Variants in GSE1 observed in about 807,000 individuals in gnomAD.
GSE1 encodes the protein Gse1 coiled-coil protein, also known as genetic suppressor element 1.
Under a neutral mutation model 112.6 loss-of-function variants are expected in GSE1, and 32 were observed. That is an observed-to-expected ratio of 0.28 (90% CI 0.21 to 0.38). The LOEUF (loss-of-function observed/expected upper bound fraction) is 0.38. GSE1 is among the 10% of genes least tolerant of loss of function. GSE1 has a pLI of 1.00. For missense variants in GSE1, 2,348 were observed against 1,699.2 expected, an observed-to-expected ratio of 1.38 and a Z score of -6.71; for synonymous variants, 1,115 against 735.6, an observed-to-expected ratio of 1.52 and a Z score of -8.35.
intron 1 of GSE1, among the ~76,000 whole-genome samples, chr16:85,352,947 G>A (rs2046880132): frequency 6.6e-6 from 1 of 152,224 alleles, no homozygotes; most frequent in Non-Finnish European, 1.5e-5. Flanking sequence ...GTGGTGCCAG[G>A]GAACACTGAT....
At chr16:85,227,122 C>CATCT (rs1307771740) in intron 1 of GSE1, among the ~76,000 whole-genome samples, 1 of 152,130 alleles carries the variant, frequency 6.6e-6, no homozygotes, top group East Asian at 1.9e-4. Flanking sequence ...TCCATCCATC[C>CATCT]ATCCATCCGC....
At chr16:85,337,123 G>A (rs2046507245) in intron 1 of GSE1, among the ~76,000 whole-genome samples, 1 of 152,130 alleles carries the variant, frequency 6.6e-6, no homozygotes, top group Admixed American at 6.5e-5. Context: ...AGCTCCTGCT[G>A]TTGCTGTCTC....
chr16:85,305,852 A>G (rs1000681791), intron 1 of GSE1, among the ~76,000 whole-genome samples: 2 of 152,096 alleles, frequency 1.3e-5, no homozygotes, highest in Admixed American at 1.3e-4. Context: ...AACTTTGGGA[A>G]GCTAAGGCAA....
chr16:85,507,683 C>A (rs1259937802), intron 2 of GSE1, among the ~76,000 whole-genome samples: 1 of 152,098 alleles, frequency 6.6e-6, no homozygotes, highest in Non-Finnish European at 1.5e-5. Flanking sequence ...ATGGGGACAC[C>A]AGTCCTATTG....
chr16:85,189,950 A>C (rs989018075), intron 1 of GSE1, among the ~76,000 whole-genome samples: 4 of 152,178 alleles, frequency 2.6e-5, no homozygotes, highest in Non-Finnish European at 4.4e-5. Flanking sequence ...TATATTTTAG[A>C]GATTTACCTC....
chr16:85,260,927 C>G (rs962483066), intron 1 of GSE1, among the ~76,000 whole-genome samples: 12 of 152,234 alleles, frequency 7.9e-5, no homozygotes, highest in Admixed American at 6.5e-4. Context: ...GTTGACCTAC[C>G]CTGGCCTAGC....
At position 85,586,332 on chromosome 16, in the gene GSE1, C is replaced by T. The variant is rs373695293; in HGVS notation, c.37+29969C>T. The stretch of plus-strand genomic sequence containing the variant: ...GTTTAGCCCATGACATAGGTGTTGC[C>T]TCGGACGGCGGAGCCCTGGCCTGGA... On this transcript the variant is annotated intron_variant, in intron 1 of 2. Transcript: ENST00000635906. Among the ~76,000 whole-genome samples, 5 of 152,348 alleles carry T rather than the reference C, an allele frequency of 3.3e-5. No homozygotes were observed. In the South Asian group the frequency reaches 1.0e-3, roughly 32 times the overall value.
In GSE1 at chr16:85,674,021, A is replaced by G. The variant is rs1567781641; in HGVS notation, c.*1482A>G. The G allele has an allele frequency of 1.3e-5, 2 of 151,834 alleles. No homozygotes were observed. Among genetic ancestry groups the G allele is most frequent in the African/African-American group, 4.8e-5 (2 of 41,286 alleles). The allele number at this position is 151,834 out of a possible 1,614,324, so 9.4% of individuals were successfully genotyped here. A position where few individuals can be genotyped will look rare whatever the true frequency, so the allele number is the denominator to read the frequency against. On this transcript the variant is annotated 3_prime_UTR_variant, in exon 16 of 16. Coordinates refer to ENST00000253458, the MANE Select transcript of GSE1 (RefSeq NM_014615.5). ...TCACACCAAGGCAAAGCAACGGGCG[A>G]GTCTTCCTCCTTGTCCTAGTTACTG...
At chr16:85,541,564 C>T (rs933486149) in intron 2 of GSE1, among the ~76,000 whole-genome samples, 4 of 152,256 alleles carry the variant, frequency 2.6e-5, no homozygotes, top group African/African-American at 7.2e-5. Context: ...CCCTGCCAGC[C>T]ACTCCGTGGA....
intron 2 of GSE1, among the ~76,000 whole-genome samples, chr16:85,500,574 AT>A (rs941370284): frequency 3.3e-5 from 5 of 152,120 alleles, no homozygotes; most frequent in Admixed American, 2.6e-4. Context: ...GCAGTGATGG[AT>A]TTGGGCACGC....
chr16:85,552,891 T>A (rs1247582328), upstream of GSE1, among the ~76,000 whole-genome samples: 1 of 152,230 alleles, frequency 6.6e-6, no homozygotes, highest in African/African-American at 2.4e-5. Flanking sequence ...TAATGACATG[T>A]TTGCAAATTA....
intron 2 of GSE1, among the ~76,000 whole-genome samples, chr16:85,374,929 C>T (rs985937153): frequency 6.6e-6 from 1 of 152,174 alleles, no homozygotes; most frequent in African/African-American, 2.4e-5. Flanking sequence ...CCTTTGGGGC[C>T]GAGGCCATCC....
At chr16:85,214,579 C>T (rs537737948) in intron 1 of GSE1, among the ~76,000 whole-genome samples, 2 of 152,138 alleles carry the variant, frequency 1.3e-5, no homozygotes, top group African/African-American at 2.4e-5. Context: ...CGAACTGCAC[C>T]GAGAATGACT....
At chr16:85,547,000 C>T (rs904454477) in intron 2 of GSE1, among the ~76,000 whole-genome samples, 47 of 152,192 alleles carry the variant, frequency 3.1e-4, no homozygotes, top group Admixed American at 1.6e-3. Context: ...TGAGATGAGA[C>T]GGCGGGCAGG....
intron 2 of GSE1, among the ~76,000 whole-genome samples, chr16:85,526,242 C>G (rs563085412): frequency 6.6e-6 from 1 of 152,358 alleles, no homozygotes; most frequent in East Asian, 1.9e-4. Context: ...GGGATTAGCT[C>G]GAGAACCCTC....
rs573272082 is a variant in GSE1 at position 85,570,637 on chromosome 16, G to A, written c.37+14274G>A. ...GGGTCAGACCGGTGGGGTGAGCCGC[G>A]TGGGAGGAATAGGAACGCAAATAGC... On this transcript the variant is annotated intron_variant, in intron 1 of 2. Transcript: ENST00000635906. Among the ~76,000 whole-genome samples, 53 of 152,302 alleles carry A rather than the reference G, an allele frequency of 3.5e-4. No individual in the cohort carries two copies. In the South Asian group the frequency reaches 0.011, roughly 30 times the overall value.
At chr16:85,551,571 G>A (rs1026098698), upstream of GSE1, among the ~76,000 whole-genome samples, 2 of 152,260 alleles carry the variant, frequency 1.3e-5, no homozygotes, top group African/African-American at 4.8e-5. Context: ...TCACGGCGGG[G>A]CACGGTGGGG....
chr16:85,381,428 T>C (rs1385051366), intron 2 of GSE1, among the ~76,000 whole-genome samples: 2 of 152,206 alleles, frequency 1.3e-5, no homozygotes, highest in African/African-American at 2.4e-5. Context: ...AGTGTGCAAA[T>C]TGGTCCTTGA....
intron 1 of GSE1, among the ~76,000 whole-genome samples, chr16:85,253,583 C>T (rs1906749059): frequency 6.6e-6 from 1 of 152,202 alleles, no homozygotes; most frequent in Non-Finnish European, 1.5e-5. Flanking sequence ...CTCACTGTGC[C>T]AGGGTGGGCT....
Sources: allele counts gnomAD v4.1 joint callset (sites outside exome capture counted in the v4.1 genomes callset), GRCh38; gene constraint gnomAD v4.1.1; transcripts MANE v1.5; gene names NCBI Gene and HGNC (gene_info 2026-07-23, HGNC 2026-07-21).